Variants in C19orf44 observed in about 807,000 individuals in gnomAD.
C19orf44 encodes uncharacterized protein C19orf44.
C19orf44 carries 43 observed loss-of-function variants against 50.7 expected under a neutral mutation model. The observed-to-expected ratio is 0.85, with a 90% CI of 0.66 to 1.09. The LOEUF (loss-of-function observed/expected upper bound fraction) is 1.09. Ranked by LOEUF, C19orf44 falls within the 50% of genes least tolerant of loss-of-function variation. The probability of loss-of-function intolerance (pLI) is 0.00; values close to 1 mark genes in which losing one functional copy is unlikely to be tolerated. For synonymous variants in C19orf44, 298 were observed against 334.7 expected (o/e 0.89, Z 1.20); for missense variants, 722 against 836.2 (o/e 0.86, Z 1.68).
At chr19:16,506,825 T>A in intron 4 of C19orf44, 51 bp downstream of exon 4, 2 of 812,632 alleles carry the variant, frequency 2.5e-6, no homozygotes, top group Non-Finnish European at 3.5e-6. Context: ...GGCTTCAACA[T>A]TTTTTTTTTT....
At chr19:16,499,245 G>C (rs2093418149) in intron 1 of C19orf44, among the ~76,000 whole-genome samples, 1 of 152,114 alleles carries the variant, frequency 6.6e-6, no homozygotes. Flanking sequence ...TCGGGAAACA[G>C]ATTGTTAATA....
chr19:16,516,669 G>GGT (rs1453148692), intron 7 of C19orf44, among the ~76,000 whole-genome samples: 1 of 152,258 alleles, frequency 6.6e-6, no homozygotes, highest in African/African-American at 2.4e-5. Context: ...AAGCAGGCGG[G>GGT]GTGGGCCTGG....
Position 16,514,623 on chromosome 19 carries a change from C to G in C19orf44, c.1862C>G (p.Ala621Gly). 1 of 1,590,764 alleles carries G rather than the reference C, an allele frequency of 6.3e-7. No individual in the cohort carries two copies. The highest frequency in any genetic ancestry group is 8.5e-7 in the Non-Finnish European group (1 of 1,169,886). The change falls in exon 7 of 9, where the codon GCG becomes GGG. Residue 621 changes from alanine (A) to glycine (G), a missense_variant. Coordinates refer to ENST00000221671, the MANE Select transcript of C19orf44 (RefSeq NM_032207.4). ...LHASLLRSLDADSFHYHTLEE... is the reference protein window; with the variant it reads ...LHASLLRSLDGDSFHYHTLEE... The stretch of plus-strand genomic sequence containing the variant: ...GCCTCCCTCCTGCGCTCCCTGGACG[C>G]GGACTCCTTCCACTACCACACCCTG...
At chr19:16,517,176 C>CA in intron 7 of C19orf44, 54 bp from the exon 8 acceptor site, 1 of 1,537,774 alleles carries the variant, frequency 6.5e-7, no homozygotes, top group East Asian at 2.3e-5. Flanking sequence ...CACCCTGTCT[C>CA]AGAGTGTACT....
chr19:16,520,036 C>T lies in C19orf44; in HGVS notation c.*41-58C>T. On this transcript the variant is annotated intron_variant, in intron 8 of 8. Transcript: ENST00000221671. The surrounding 1 kb of genome is among the most constrained non-coding windows in gnomAD (Gnocchi z 4.0). ...GGTGAGGGGTGCCACTGTCCCCGGGCTAATGCTGGCGGCCTCCTAACACAG... is the reference window on the plus strand; with the variant it reads ...GGTGAGGGGTGCCACTGTCCCCGGGTTAATGCTGGCGGCCTCCTAACACAG... 2 of 1,127,966 alleles carry T rather than the reference C, an allele frequency of 1.8e-6. No individual in the cohort carries two copies. Among genetic ancestry groups the T allele is most frequent in the South Asian group, 1.4e-5 (1 of 72,102 alleles). The allele number at this position is 1,127,966 out of a possible 1,614,324, so 69.9% of individuals were successfully genotyped here. A position where few individuals can be genotyped will look rare whatever the true frequency, so the allele number is the denominator to read the frequency against.
chr19:16,503,379 C>CT lies in C19orf44; in HGVS notation c.1074_1075insT (p.Glu359Ter). The CT allele has an allele frequency of 6.2e-7, 1 of 1,606,612 alleles. No individual in the cohort carries two copies. Among genetic ancestry groups the CT allele is most frequent in the Admixed American group, 1.7e-5 (1 of 59,750 alleles). On this transcript the variant is annotated frameshift_variant and splice_region_variant, in exon 3 of 9. Transcript: ENST00000221671. LOFTEE classifies it high-confidence loss of function. ...CAGAAGGTGCTGATGACAGCCTCGA[C>CT]GGTAATCCCAGTCCCGGTGCAAAGC...
Position 16,500,999 on chromosome 19 carries a change from G to A in C19orf44, c.207G>A (p.Val69=). ...EKHLLLKENP[V]LGSGPRLASC... Reference sequence around the variant, plus strand: ...ACTTACTCCTGAAAGAGAACCCTGTGCTCGGGAGTGGACCCAGGCTTGCCT... The same window carrying A: ...ACTTACTCCTGAAAGAGAACCCTGTACTCGGGAGTGGACCCAGGCTTGCCT... The change falls in exon 2 of 9, where the codon GTG becomes GTA. Residue 69 remains valine (V), a synonymous_variant. Transcript: ENST00000221671. The A allele has an allele frequency of 1.2e-6, 2 of 1,613,878 alleles. No homozygotes were observed. Among genetic ancestry groups the A allele is most frequent in the Non-Finnish European group, 1.7e-6 (2 of 1,179,920 alleles).
At chr19:16,518,777 T>C in intron 8 of C19orf44, 1 of 252,000 alleles carries the variant, frequency 4.0e-6, no homozygotes, top group Non-Finnish European at 7.7e-6. Context: ...AGGCCAACCC[T>C]TCCTGCACAT....
chr19:16,501,755 C>G (rs1599728939), intron 2 of C19orf44, among the ~76,000 whole-genome samples: 2 of 151,436 alleles, frequency 1.3e-5, no homozygotes, highest in Non-Finnish European at 1.5e-5. Context: ...CCACGCCCAG[C>G]TAATTTTATG....
chr19:16,517,427 G>A, intron 8 of C19orf44, 86 bp downstream of exon 8: 2 of 952,164 alleles, frequency 2.1e-6, no homozygotes, highest in Non-Finnish European at 3.2e-6. Flanking sequence ...CGTGGTGGGG[G>A]CAGGTGGTAC....
chr19:16,498,095 G>C (rs2093415025), intron 1 of C19orf44, among the ~76,000 whole-genome samples: 1 of 152,168 alleles, frequency 6.6e-6, no homozygotes, highest in African/African-American at 2.4e-5. Flanking sequence ...AACAGAGTGA[G>C]AGCCTGTCTC....
intron 4 of C19orf44, among the ~76,000 whole-genome samples, chr19:16,507,758 C>T (rs2093444599): frequency 6.6e-6 from 1 of 151,770 alleles, no homozygotes; most frequent in South Asian, 2.1e-4. Flanking sequence ...CCCCAAAGTG[C>T]TGGGATTACA....
At position 16,520,618 on chromosome 19, in the gene C19orf44, G is replaced by A. The variant is rs1486395627; in HGVS notation, c.*565G>A. ...AGATGCAGGGGCTCTGGCTGTGGAT[G>A]TGGCGCCATAGCCACAGCAACGGTA... On this transcript the variant is annotated 3_prime_UTR_variant, in exon 9 of 9. Transcript: ENST00000221671. This position sits in a 1 kb window ranked among gnomAD's most constrained non-coding sequence, Gnocchi z 4.0. The A allele has an allele frequency of 7.6e-7, 1 of 1,314,392 alleles. No homozygotes were observed. The highest frequency in any genetic ancestry group is 1.1e-6 in the Non-Finnish European group (1 of 940,870). 81.4% of individuals were successfully genotyped at this position (1,314,392 alleles called of 1,614,324 possible). A position where few individuals can be genotyped will look rare whatever the true frequency, so the allele number is the denominator to read the frequency against.
chr19:16,518,697 A>T (rs1236491975), intron 8 of C19orf44: 3 of 168,830 alleles, frequency 1.8e-5, no homozygotes, highest in Non-Finnish European at 3.7e-5. Flanking sequence ...TACACAGCCG[A>T]GGGGAAGCCA....
chr19:16,517,339 A>G lies in C19orf44; in HGVS notation c.*38A>G. 6.3e-7 allele frequency: 1 copy of G among 1,587,730 alleles called. No individual in the cohort carries two copies. Among genetic ancestry groups the G allele is most frequent in the African/African-American group, 1.3e-5 (1 of 74,424 alleles). On this transcript the variant is annotated splice_region_variant and 3_prime_UTR_variant, in exon 8 of 9. Coordinates refer to ENST00000221671, the MANE Select transcript of C19orf44 (RefSeq NM_032207.4). Reference sequence around the variant, plus strand: ...GGAGCTTGACGTGACGTCTTAACAAAAGGTATCCCGTCCTGTGTACTCAGT... The same window carrying G: ...GGAGCTTGACGTGACGTCTTAACAAGAGGTATCCCGTCCTGTGTACTCAGT...
At chr19:16,517,391 C>A in intron 8 of C19orf44, 50 bp downstream of exon 8, 1 of 1,325,900 alleles carries the variant, frequency 7.5e-7, no homozygotes, top group Admixed American at 1.9e-5. Flanking sequence ...AAACATAGAG[C>A]TCATCAGTGT....
At chr19:16,511,270 C>T (rs1599736337) in intron 5 of C19orf44, among the ~76,000 whole-genome samples, 2 of 151,968 alleles carry the variant, frequency 1.3e-5, no homozygotes, top group African/African-American at 4.8e-5. Flanking sequence ...TTCCTGACCT[C>T]GTGATCTGCC....
chr19:16,513,178 C>G, intron 6 of C19orf44, 69 bp downstream of exon 6: 1 of 1,490,370 alleles, frequency 6.7e-7, no homozygotes, highest in East Asian at 2.3e-5. Flanking sequence ...CAGATTCACA[C>G]CCACTCTGGA....
In C19orf44 at chr19:16,521,016, G is replaced by T; in HGVS notation, c.*963G>T. ...TCCACAGAACCTTGGAGAGTACATGGCCCTGTGGCTGTGGGCTCCGAGCAT... is the reference window on the plus strand; with the variant it reads ...TCCACAGAACCTTGGAGAGTACATGTCCCTGTGGCTGTGGGCTCCGAGCAT... On this transcript the variant is annotated 3_prime_UTR_variant, in exon 9 of 9. Transcript: ENST00000221671. 1 of 989,598 alleles carries T rather than the reference G, an allele frequency of 1.0e-6. No homozygotes were observed. Among genetic ancestry groups the T allele is most frequent in the Non-Finnish European group, 1.6e-6 (1 of 627,868 alleles). The allele number at this position is 989,598 out of a possible 1,614,324, so 61.3% of individuals were successfully genotyped here.
Sources: allele counts gnomAD v4.1 joint callset (sites outside exome capture counted in the v4.1 genomes callset), GRCh38; gene constraint gnomAD v4.1.1; non-coding constraint Gnocchi (gnomAD v3.1); transcripts MANE v1.5; gene names NCBI Gene and HGNC (gene_info 2026-07-23, HGNC 2026-07-21).